The following MROH9 variants were observed in gnomAD, a reference collection of about 807,000 sequenced individuals.
MROH9 encodes maestro heat-like repeat-containing protein family member 9.
A neutral mutation model predicts 98.2 loss-of-function variants in MROH9; 92 were observed. The ratio of observed to expected loss-of-function variants is 0.94; its 90% CI spans 0.79 to 1.11. MROH9 has a LOEUF of 1.11. Ranked by LOEUF, MROH9 falls within the 50% of genes most tolerant of loss-of-function variation. The pLI, the probability that MROH9 is intolerant of heterozygous loss-of-function variation, is 0.00. For missense variants in MROH9, 1,057 were observed against 1,014.8 expected, an observed-to-expected ratio of 1.04 and a Z score of -0.57; for synonymous variants, 397 against 368.9, an observed-to-expected ratio of 1.08 and a Z score of -0.87.
In MROH9 at chr1:171,016,078, G is replaced by A. The variant is rs578118640; in HGVS notation, c.1735-85G>A. ...CGGCTTCCGCACACCATGATGTGCC[G>A]CCCAGACTCAAGGTATCCATATAAA... On this transcript the variant is annotated intron_variant, in intron 16 of 21. Coordinates refer to ENST00000367759, the MANE Select transcript of MROH9 (RefSeq NM_001163629.2). 415 of 950,338 alleles carry A rather than the reference G, an allele frequency of 4.4e-4. 5 individuals are homozygous for A. In the South Asian group the frequency reaches 0.014, roughly 32 times the overall value. The allele number at this position is 950,338 out of a possible 1,614,324, so 58.9% of individuals were successfully genotyped here. A position where few individuals can be genotyped will look rare whatever the true frequency, so the allele number is the denominator to read the frequency against.
chr1:171,020,299 G>A (rs1033192581), intron 17 of MROH9, among the ~76,000 whole-genome samples: 1 of 152,194 alleles, frequency 6.6e-6, no homozygotes, highest in Non-Finnish European at 1.5e-5. Flanking sequence ...AAACCTGGCA[G>A]AGACACAACA....
At chr1:171,028,203 A>G (rs1011809671) in intron 20 of MROH9, among the ~76,000 whole-genome samples, 1 of 152,072 alleles carries the variant, frequency 6.6e-6, no homozygotes, top group African/African-American at 2.4e-5. Context: ...TAATTTTTGT[A>G]TAAGGTGTAA....
chr1:170,965,350 G>A (rs774278424), intron 7 of MROH9, 95 bp downstream of exon 7: 33 of 808,206 alleles, frequency 4.1e-5, no homozygotes, highest in Non-Finnish European at 6.2e-5. Context: ...TACTTGACAG[G>A]TCCTTGGTAT....
intron 8 of MROH9, among the ~76,000 whole-genome samples, chr1:170,977,610 A>AAG (rs2101793235): frequency 6.6e-6 from 1 of 152,284 alleles, no homozygotes; most frequent in South Asian, 2.1e-4. Flanking sequence ...TCCTTACAGT[A>AAG]GCAGCTGTGC....
At chr1:171,037,821 TAACA>T (rs150985936) in intron 20 of MROH9, among the ~76,000 whole-genome samples, 10,208 of 151,982 alleles carry the variant, frequency 0.067, 1,133 homozygotes, top group African/African-American at 0.23. Context: ...TGACCTTAAC[TAACA>T]GTGATGAAAA....
intron 3 of MROH9, among the ~76,000 whole-genome samples, chr1:170,955,786 G>C (rs1649736765): frequency 6.6e-6 from 1 of 152,152 alleles, no homozygotes; most frequent in Admixed American, 6.5e-5. Context: ...TCTGCTGACT[G>C]TTCCTTTTGC....
intron 8 of MROH9, among the ~76,000 whole-genome samples, chr1:170,976,693 C>T (rs148219917): frequency 1.2e-3 from 178 of 152,136 alleles, no homozygotes; most frequent in Non-Finnish European, 2.3e-3. Context: ...TTTATTTTGA[C>T]CTTGGAGAAT....
chr1:171,029,459 C>T (rs534307194), intron 20 of MROH9, among the ~76,000 whole-genome samples: 7 of 152,234 alleles, frequency 4.6e-5, no homozygotes, highest in African/African-American at 1.7e-4. Context: ...CCACCTGCCT[C>T]AGCCTCCTAA....
rs1187647219 is a variant in MROH9, at chr1:171,025,312, T to C, written c.2179-6T>C. The C allele has an allele frequency of 6.6e-7, 1 of 1,520,358 alleles. No individual in the cohort carries two copies. Among genetic ancestry groups the C allele is most frequent in the South Asian group, 1.2e-5 (1 of 83,270 alleles). 94.2% of individuals were successfully genotyped at this position (1,520,358 alleles called of 1,614,324 possible). On this transcript the variant is annotated splice_polypyrimidine_tract_variant and splice_region_variant and intron_variant, in intron 19 of 21. Coordinates refer to ENST00000367759, the MANE Select transcript of MROH9 (RefSeq NM_001163629.2). Reference sequence around the variant, plus strand: ...GTGAGGTGCTTTTTTCCCTTTTTATTCTCAGATTATTTCTCATAGGAACTA... The same window carrying C: ...GTGAGGTGCTTTTTTCCCTTTTTATCCTCAGATTATTTCTCATAGGAACTA...
chr1:170,995,935 G>T (rs1651550543), intron 13 of MROH9, among the ~76,000 whole-genome samples: 1 of 152,144 alleles, frequency 6.6e-6, no homozygotes, highest in Non-Finnish European at 1.5e-5. Context: ...AAAATGATGT[G>T]CTCAAGTGTA....
intron 6 of MROH9, among the ~76,000 whole-genome samples, chr1:170,963,264 C>A (rs1055179020): frequency 6.6e-6 from 1 of 151,976 alleles, no homozygotes; most frequent in African/African-American, 2.4e-5. Flanking sequence ...AAATGCAAAT[C>A]AAAACCACAA....
intron 17 of MROH9, among the ~76,000 whole-genome samples, chr1:171,016,781 C>G (rs565743446): frequency 1.3e-5 from 2 of 152,030 alleles, no homozygotes; most frequent in African/African-American, 4.8e-5. Context: ...TGCCATGCCC[C>G]AAATAAATGT....
At position 170,971,841 on chromosome 1, in the gene MROH9, T is replaced by C. The variant is rs752291338; in HGVS notation, c.574T>C (p.Leu192=). 1.6e-5 allele frequency: 26 copies of C among 1,613,934 alleles called. No homozygotes were observed. Among genetic ancestry groups the C allele is most frequent in the African/African-American group, 2.7e-5 (2 of 74,914 alleles). Residue 192 remains leucine (L), a synonymous_variant, in exon 8 of 22, where the codon TTG becomes CTG. Coordinates refer to ENST00000367759, the MANE Select transcript of MROH9 (RefSeq NM_001163629.2). ...TCCCTCGATTGTAAAACAAGCATCATTGGGAATGTGTCACCTCCTCTACAT... is the reference window on the plus strand; with the variant it reads ...TCCCTCGATTGTAAAACAAGCATCACTGGGAATGTGTCACCTCCTCTACAT... ...EDPSIVKQAS[L]GMCHLLYIAR...
chr1:170,998,353 G>C (rs200484356), intron 15 of MROH9, 79 bp downstream of exon 15: 4 of 1,611,740 alleles, frequency 2.5e-6, no homozygotes, highest in Admixed American at 1.7e-5. Flanking sequence ...CCAGTTTCTC[G>C]TATCTCTCCC....
At chr1:170,958,378 A>C in intron 3 of MROH9, 83 bp from the exon 4 acceptor site, 1 of 747,248 alleles carries the variant, frequency 1.3e-6, no homozygotes, top group Non-Finnish European at 2.2e-6. Context: ...TGTAAAAGGA[A>C]GAAGTGCACA....
At position 171,024,532 on chromosome 1, in the gene MROH9, T is replaced by C; in HGVS notation, c.2046T>C (p.Asp682=). The C allele has an allele frequency of 2.6e-6, 4 of 1,534,302 alleles. No homozygotes were observed. The highest frequency in any genetic ancestry group is 3.5e-6 in the Non-Finnish European group (4 of 1,140,418). Residue 682 remains aspartate (D), a synonymous_variant, in exon 18 of 22, where the codon GAT becomes GAC. Coordinates refer to ENST00000367759, the MANE Select transcript of MROH9 (RefSeq NM_001163629.2). ...VPLILFLEDD[D]KRVAEACKYT... Reference sequence around the variant, plus strand: ...TAATCCTATTTTTGGAGGATGATGATAAAAGAGTAGCTGAAGTAAGTCATT... The same window carrying C: ...TAATCCTATTTTTGGAGGATGATGACAAAAGAGTAGCTGAAGTAAGTCATT...
At chr1:170,967,645 C>G (rs1287771802) in intron 7 of MROH9, among the ~76,000 whole-genome samples, 1 of 152,134 alleles carries the variant, frequency 6.6e-6, no homozygotes, top group Non-Finnish European at 1.5e-5. Flanking sequence ...GATTCTTGTC[C>G]TATTGAACAA....
At chr1:170,936,584 C>G (rs557045224) in intron 1 of MROH9, among the ~76,000 whole-genome samples, 1 of 152,308 alleles carries the variant, frequency 6.6e-6, no homozygotes, top group Non-Finnish European at 1.5e-5. Context: ...CTATGGCTCA[C>G]TCAGTTTGAC....
intron 20 of MROH9, among the ~76,000 whole-genome samples, chr1:171,030,574 A>G (rs1489205357): frequency 6.6e-6 from 1 of 152,068 alleles, no homozygotes; most frequent in Non-Finnish European, 1.5e-5. Flanking sequence ...AGGTTGTTCA[A>G]TTTCCATGAA....
Sources: gnomAD v4.1 joint callset for allele counts (sites outside exome capture counted in the v4.1 genomes callset) on GRCh38, gnomAD v4.1.1 for gene constraint, MANE v1.5 for transcripts, NCBI Gene and HGNC (gene_info 2026-07-23, HGNC 2026-07-21) for gene names.